The following CYB561 variants were observed in gnomAD, a reference collection of about 807,000 sequenced individuals.
The protein encoded by CYB561 is cytochrome b561, also known as transmembrane ascorbate-dependent reductase CYB561.
Under a neutral mutation model 25.3 loss-of-function variants are expected in CYB561, and 11 were observed. The ratio of observed to expected loss-of-function variants is 0.44; its 90% CI spans 0.27 to 0.72. The LOEUF (loss-of-function observed/expected upper bound fraction) is 0.72, where lower values mean the gene tolerates loss of function less well. CYB561 is among the 30% of genes least tolerant of loss of function. CYB561 has a pLI of 0.18. For missense variants in CYB561, 295 were observed against 334.9 expected (o/e 0.88, Z 0.93); for synonymous variants, 165 against 158.8 (o/e 1.04, Z -0.29).
At position 63,432,492 on chromosome 17, in the gene CYB561, G is replaced by T. The variant is rs1049914742; in HGVS notation, c.*1910C>A. On this transcript the variant is annotated 3_prime_UTR_variant, in exon 6 of 6. Transcript: ENST00000360793. ...TACAGACTTTTGTTGCAAATCTAAG[G>T]TTCCATTTCTCTCTGTAGCATTCCG... 6.6e-6 allele frequency: 1 copy of T among 152,306 alleles called. No individual in the cohort carries two copies. The highest frequency in any genetic ancestry group is 2.1e-4 in the South Asian group (1 of 4,828). 9.4% of individuals were successfully genotyped at this position (152,306 alleles called of 1,614,324 possible). A position where few individuals can be genotyped will look rare whatever the true frequency, so the allele number is the denominator to read the frequency against.
Position 63,433,650 on chromosome 17 carries a change from G to A in CYB561, c.*752C>T, listed in dbSNP as rs371478790. The A allele has an allele frequency of 2.5e-4, 91 of 365,122 alleles. No homozygotes were observed. In the South Asian group the frequency reaches 9.9e-3, roughly 40 times the overall value. The allele number at this position is 365,122 out of a possible 1,614,324, so 22.6% of individuals were successfully genotyped here. A position where few individuals can be genotyped will look rare whatever the true frequency, so the allele number is the denominator to read the frequency against. On this transcript the variant is annotated 3_prime_UTR_variant, in exon 6 of 6. Coordinates refer to ENST00000360793, the MANE Select transcript of CYB561 (RefSeq NM_001915.4). ...CAAGGAGGGAGCCCCAGCAGGAAGGGGCTGCAAGGTGCCCCCCATCCCCAA... is the reference window on the plus strand; with the variant it reads ...CAAGGAGGGAGCCCCAGCAGGAAGGAGCTGCAAGGTGCCCCCCATCCCCAA...
chr17:63,432,377 C>CA lies in CYB561; in HGVS notation c.*2024dup, dbSNP rs1401202186. ...TATTTCACAGAAGATTGGCCACAGGCAAAATAAAATAACCCACCACAAATC... is the reference window on the plus strand; with the variant it reads ...TATTTCACAGAAGATTGGCCACAGGCAAAAATAAAATAACCCACCACAAATC... On this transcript the variant is annotated 3_prime_UTR_variant, in exon 6 of 6. Transcript: ENST00000360793. The CA allele has an allele frequency of 2.0e-5, 3 of 152,162 alleles. No individual in the cohort carries two copies. The highest frequency in any genetic ancestry group is 4.4e-5 in the Non-Finnish European group (3 of 68,030). The allele number at this position is 152,162 out of a possible 1,614,324, so 9.4% of individuals were successfully genotyped here.
At chr17:63,442,665 G>T (rs2049386239) in intron 1 of CYB561, 1 of 152,192 alleles carries the variant, frequency 6.6e-6, no homozygotes, top group Non-Finnish European at 1.5e-5. Flanking sequence ...CCCTCACACA[G>T]TCACTTGCCT....
At position 63,432,978 on chromosome 17, in the gene CYB561, C is replaced by T. The variant is rs578085295; in HGVS notation, c.*1424G>A. 1.9e-4 allele frequency: 31 copies of T among 159,408 alleles called. No homozygotes were observed. Among genetic ancestry groups the T allele is most frequent in the African/African-American group, 7.2e-4 (30 of 41,868 alleles). 9.9% of individuals were successfully genotyped at this position (159,408 alleles called of 1,614,324 possible). A position where few individuals can be genotyped will look rare whatever the true frequency, so the allele number is the denominator to read the frequency against. ...TGTGTGTGTCTCAAGCTAAGCCATGCTCCTCAAACACCCAAAAAGAAAGGA... is the reference window on the plus strand; with the variant it reads ...TGTGTGTGTCTCAAGCTAAGCCATGTTCCTCAAACACCCAAAAAGAAAGGA... On this transcript the variant is annotated 3_prime_UTR_variant, in exon 6 of 6. Coordinates refer to ENST00000360793, the MANE Select transcript of CYB561 (RefSeq NM_001915.4).
In CYB561 at chr17:63,437,565, A is replaced by C. The variant is rs2049318191; in HGVS notation, c.-13-5T>G. ...CCCTCCATGCTGAGGCAAACGCTGC[A>C]AGAAAGAGCAGAGCTCAGAGGAGCA... On this transcript the variant is annotated splice_polypyrimidine_tract_variant and splice_region_variant and intron_variant, in intron 1 of 5. Transcript: ENST00000360793. 1 of 1,601,426 alleles carries C rather than the reference A, an allele frequency of 6.2e-7. No individual in the cohort carries two copies.
In CYB561 at chr17:63,435,540, C is replaced by T. The variant is rs2049287243; in HGVS notation, c.405+148G>A. On this transcript the variant is annotated intron_variant, in intron 4 of 5. Transcript: ENST00000360793. ...CCCTTGGCCGCCAATCCTAGCTTTG[C>T]ACCCGCACAGGCCTGGGAAGGCAGC... 5 of 767,986 alleles carry T rather than the reference C, an allele frequency of 6.5e-6. No individual in the cohort carries two copies. In the Admixed American group the frequency reaches 6.9e-5, roughly 11 times the overall value. 47.6% of individuals were successfully genotyped at this position (767,986 alleles called of 1,614,324 possible).
At chr17:63,441,872 T>C (rs961111468) in intron 1 of CYB561, among the ~76,000 whole-genome samples, 4 of 152,202 alleles carry the variant, frequency 2.6e-5, no homozygotes, top group African/African-American at 9.7e-5. Context: ...CCGCCTCGGT[T>C]CCACCATGGC....
chr17:63,434,651 C>CCCTT (rs1373437019), intron 5 of CYB561, 57 bp from the exon 6 acceptor site: 2 of 1,461,584 alleles, frequency 1.4e-6, no homozygotes. Context: ...AGGCCAAATG[C>CCCTT]CCTTTGTATC....
chr17:63,434,463 T>C lies in CYB561; in HGVS notation c.695A>G (p.Glu232Gly). 6.2e-7 allele frequency: 1 copy of C among 1,606,810 alleles called. No homozygotes were observed. The highest frequency in any genetic ancestry group is 1.1e-5 in the South Asian group (1 of 89,626). ...ADWKRPSQAE[E>G]QALSMDFKTL... is the part of the protein sequence containing the mutation. ...CTTGAAGTCCATGGAGAGGGCCTGC[T>C]CTTCCGCCTGGGAAGGCCGCTTCCA... is the stretch of plus-strand genomic sequence containing the variant. Residue 232 changes from glutamate to glycine, a missense_variant, in exon 6 of 6, where the codon GAG (glutamate) becomes GGG (glycine). Transcript: ENST00000360793.
In CYB561 at chr17:63,432,550, TTGTC is replaced by T. The variant is rs2049236312; in HGVS notation, c.*1848_*1851del. On this transcript the variant is annotated 3_prime_UTR_variant, in exon 6 of 6. Coordinates refer to ENST00000360793, the MANE Select transcript of CYB561 (RefSeq NM_001915.4). ...AGAGACACGATTGTACTTTGGTAGT[TTGTC>T]TAAGGCGGAGTTTTCCCACATGTAA... 1 of 152,236 alleles carries T rather than the reference TTGTC, an allele frequency of 6.6e-6. No homozygotes were observed. Among genetic ancestry groups the T allele is most frequent in the Non-Finnish European group, 1.5e-5 (1 of 68,050 alleles). The allele number at this position is 152,236 out of a possible 1,614,324, so 9.4% of individuals were successfully genotyped here.
chr17:63,441,394 G>A (rs939487768), intron 1 of CYB561, among the ~76,000 whole-genome samples: 2 of 152,242 alleles, frequency 1.3e-5, no homozygotes, highest in African/African-American at 4.8e-5. Context: ...GCTCAAAGAG[G>A]ACAAGCGACA....
chr17:63,435,307 C>A, intron 4 of CYB561, 64 bp from the exon 5 acceptor site: 5 of 1,563,088 alleles, frequency 3.2e-6, no homozygotes, highest in Non-Finnish European at 4.4e-6. Context: ...CCGAGGTCGG[C>A]CAGGCCCACA....
chr17:63,436,161 G>A lies in CYB561; in HGVS notation c.203-9C>T, dbSNP rs1178502604. On this transcript the variant is annotated splice_polypyrimidine_tract_variant and intron_variant, in intron 2 of 5. Coordinates refer to ENST00000360793, the MANE Select transcript of CYB561 (RefSeq NM_001915.4). The surrounding 1 kb of genome is among the most constrained non-coding windows in gnomAD (Gnocchi z 4.8). ...ACGGTAAACCAGCAGGGCTGTGGGA[G>A]GTGAGAGAGGGAACGTGAGTGCATC... 4.3e-6 allele frequency: 7 copies of A among 1,613,356 alleles called. No individual in the cohort carries two copies. The South Asian group carries it at 6.6e-5, about 15-fold the overall frequency.
In CYB561 at chr17:63,433,046, C is replaced by G. The variant is rs146351285; in HGVS notation, c.*1356G>C. 4.7e-6 allele frequency: 1 copy of G among 212,286 alleles called. No homozygotes were observed. Among genetic ancestry groups the G allele is most frequent in the Non-Finnish European group, 9.3e-6 (1 of 108,048 alleles). The allele number at this position is 212,286 out of a possible 1,614,324, so 13.2% of individuals were successfully genotyped here. A position where few individuals can be genotyped will look rare whatever the true frequency, so the allele number is the denominator to read the frequency against. ...TCACCAGATCCAAGAAGCACATGAT[C>G]GGTGTTCTTTTTTTTTTCTTTTTTG... On this transcript the variant is annotated 3_prime_UTR_variant, in exon 6 of 6. Coordinates refer to ENST00000360793, the MANE Select transcript of CYB561 (RefSeq NM_001915.4).
chr17:63,444,756 C>T (rs2049407541), intron 1 of CYB561, among the ~76,000 whole-genome samples: 1 of 152,226 alleles, frequency 6.6e-6, no homozygotes, highest in Admixed American at 6.5e-5. Context: ...CCCAGTGAAG[C>T]TACGCTTTCA....
At position 63,437,335 on chromosome 17, in the gene CYB561, A is replaced by G; in HGVS notation, c.202+11T>C. 1 of 1,607,782 alleles carries G rather than the reference A, an allele frequency of 6.2e-7. No individual in the cohort carries two copies. Among genetic ancestry groups the G allele is most frequent in the Non-Finnish European group, 8.5e-7 (1 of 1,174,702 alleles). Reference sequence around the variant, plus strand: ...AAGCCCGGGAAAAGAGGAGCGGCCCATGGGACTCACCATTTCCCTGCAGGA... The same window carrying G: ...AAGCCCGGGAAAAGAGGAGCGGCCCGTGGGACTCACCATTTCCCTGCAGGA... On this transcript the variant is annotated intron_variant, in intron 2 of 5. Transcript: ENST00000360793.
intron 1 of CYB561, among the ~76,000 whole-genome samples, chr17:63,441,681 G>T (rs1461595250): frequency 6.6e-6 from 1 of 152,258 alleles, no homozygotes; most frequent in Non-Finnish European, 1.5e-5. Flanking sequence ...CTGCCGAACA[G>T]TGGCTGCCTG....
chr17:63,438,638 C>G (rs898060414), intron 1 of CYB561, among the ~76,000 whole-genome samples: 5 of 152,322 alleles, frequency 3.3e-5, no homozygotes, highest in Admixed American at 1.3e-4. Context: ...CTGAAGGCCC[C>G]CAGAAACGAG....
chr17:63,437,980 C>CCCCCCCCCCCG, intron 1 of CYB561: 3 of 749,650 alleles, frequency 4.0e-6, no homozygotes, highest in Non-Finnish European at 6.0e-6. Context: ...GCCCCGCCAC[C>CCCCCCCCCCCG]CTCCCCCGAG....
Sources: gnomAD v4.1 joint callset for allele counts (sites outside exome capture counted in the v4.1 genomes callset) on GRCh38, gnomAD v4.1.1 for gene constraint, Gnocchi (gnomAD v3.1) non-coding constraint, MANE v1.5 for transcripts, NCBI Gene and HGNC (gene_info 2026-07-23, HGNC 2026-07-21) for gene names.